CSMD1: variants seen among roughly 807,000 people sequenced by gnomAD.
CSMD1 encodes the protein CUB and Sushi multiple domains 1, also known as CUB and sushi domain-containing protein 1.
Under a neutral mutation model 417.5 loss-of-function variants are expected in CSMD1, and 213 were observed. That is an observed-to-expected ratio of 0.51 (90% CI 0.46 to 0.57). The LOEUF is 0.57. Among genes scored for constraint, CSMD1 ranks in the 20% least tolerant of loss-of-function variants. The pLI is 0.00. For synonymous variants in CSMD1, 2,862 were observed against 1,736.8 expected, an observed-to-expected ratio of 1.65 and a Z score of -16.11; for missense variants, 6,923 against 4,529.7, an observed-to-expected ratio of 1.53 and a Z score of -15.17.
intron 1 of CSMD1, among the ~76,000 whole-genome samples, chr8:4,830,450 A>C (rs115803736): frequency 4.9e-4 from 75 of 152,350 alleles, no homozygotes; most frequent in African/African-American, 1.7e-3. Context: ...CGTTTCAGAT[A>C]ATGACTTAGG....
chr8:3,611,992 T>G (rs1404316899), intron 8 of CSMD1, among the ~76,000 whole-genome samples: 1 of 152,162 alleles, frequency 6.6e-6, no homozygotes, highest in African/African-American at 2.4e-5. Context: ...CTCAGTTATT[T>G]GAAAAGATTT....
chr8:4,058,834 A>G (rs1231153973), intron 3 of CSMD1, among the ~76,000 whole-genome samples: 1 of 151,590 alleles, frequency 6.6e-6, no homozygotes, highest in Non-Finnish European at 1.5e-5. Context: ...CTCCCACACA[A>G]TAATAATGGG....
At chr8:4,667,902 G>T (rs1407085504) in intron 1 of CSMD1, among the ~76,000 whole-genome samples, 5 of 152,136 alleles carry the variant, frequency 3.3e-5, no homozygotes, top group African/African-American at 9.7e-5. Context: ...AATAGCAGTG[G>T]TTAGAGTGGC....
intron 5 of CSMD1, among the ~76,000 whole-genome samples, chr8:3,942,318 A>C (rs911138173): frequency 6.6e-6 from 1 of 152,134 alleles, no homozygotes; most frequent in East Asian, 1.9e-4. Flanking sequence ...TCCAGTGGAA[A>C]AATTGTCTTC....
intron 1 of CSMD1, among the ~76,000 whole-genome samples, chr8:4,919,186 C>A (rs577309113): frequency 7.6e-4 from 116 of 152,262 alleles, no homozygotes; most frequent in African/African-American, 2.7e-3. Context: ...TCCTGTAAAA[C>A]TGAAACGTAC....
At chr8:3,447,139 T>G (rs1004302933) in intron 12 of CSMD1, among the ~76,000 whole-genome samples, 4 of 152,170 alleles carry the variant, frequency 2.6e-5, no homozygotes, top group African/African-American at 7.2e-5. Context: ...ACAACAGACA[T>G]GATCAAAGAG....
intron 2 of CSMD1, among the ~76,000 whole-genome samples, chr8:4,524,293 T>C (rs1456591295): frequency 2.0e-5 from 3 of 150,628 alleles, no homozygotes; most frequent in South Asian, 4.2e-4. Context: ...GACAAATATG[T>C]GTTAACAACC....
intron 4 of CSMD1, among the ~76,000 whole-genome samples, chr8:4,020,394 C>T (rs777302994): frequency 1.3e-5 from 2 of 152,200 alleles, no homozygotes; most frequent in African/African-American, 2.4e-5. Context: ...TAAACTGACA[C>T]TGAGCATGAC....
chr8:4,387,901 A>G (rs1485682582), intron 3 of CSMD1, among the ~76,000 whole-genome samples: 1 of 152,140 alleles, frequency 6.6e-6, no homozygotes, highest in Non-Finnish European at 1.5e-5. Flanking sequence ...TGCCAAGATT[A>G]TATAAAGAAA....
chr8:4,069,149 T>A (rs1252241361), intron 3 of CSMD1, among the ~76,000 whole-genome samples: 2 of 152,226 alleles, frequency 1.3e-5, no homozygotes, highest in Non-Finnish European at 2.9e-5. Context: ...CATAGGAGAC[T>A]GGTTGCAAAT....
At chr8:3,534,970 C>T (rs180842337) in intron 10 of CSMD1, among the ~76,000 whole-genome samples, 48 of 152,248 alleles carry the variant, frequency 3.2e-4, no homozygotes, top group Admixed American at 2.2e-3. Context: ...TATTTATTGA[C>T]AGCATCTGGC....
chr8:3,529,357 C>A (rs907531418), intron 10 of CSMD1, among the ~76,000 whole-genome samples: 2 of 152,070 alleles, frequency 1.3e-5, no homozygotes, highest in East Asian at 3.9e-4. Context: ...TAAATCAATT[C>A]AAGAAAGAGT....
chr8:4,413,048 C>G (rs997953628), intron 3 of CSMD1, among the ~76,000 whole-genome samples: 1 of 152,160 alleles, frequency 6.6e-6, no homozygotes, highest in African/African-American at 2.4e-5. Context: ...GAAAAATAGA[C>G]TTACAAAATT....
intron 2 of CSMD1, among the ~76,000 whole-genome samples, chr8:4,465,569 C>A (rs934214030): frequency 6.6e-6 from 1 of 152,088 alleles, no homozygotes; most frequent in African/African-American, 2.4e-5. Flanking sequence ...TAAAGCAATG[C>A]CTGTTTTTCA....
intron 5 of CSMD1, among the ~76,000 whole-genome samples, chr8:3,885,140 G>T (rs1014537585): frequency 2.0e-5 from 3 of 151,894 alleles, no homozygotes; most frequent in African/African-American, 7.3e-5. Flanking sequence ...TCATTAACAA[G>T]ATCCCATCTC....
chr8:4,147,664 G>C (rs1384848188), intron 3 of CSMD1, among the ~76,000 whole-genome samples: 1 of 152,108 alleles, frequency 6.6e-6, no homozygotes, highest in Admixed American at 6.6e-5. Flanking sequence ...GCTGGCTCAT[G>C]GGAACCCCAT....
rs535230667 is a variant in CSMD1 at position 4,312,376 on chromosome 8, A to AAT, written c.415+107575_415+107576dup. Among the ~76,000 whole-genome samples, 603 of 63,114 alleles carry AAT rather than the reference A, an allele frequency of 9.6e-3. 85 individuals are homozygous for AAT. The highest frequency in any genetic ancestry group is 0.031 in the African/African-American group (485 of 15,736). The allele number at this position is 63,114 out of a possible 152,430, so 41.4% of individuals were successfully genotyped here. On this transcript the variant is annotated intron_variant, in intron 3 of 69. Transcript: ENST00000635120. ...TAAGCTAATTACTTTTAATGGAACA[A>AAT]ATATATATATATATATACATACATA...
chr8:4,304,581 G>C (rs4615596), intron 3 of CSMD1, among the ~76,000 whole-genome samples: 1 of 152,072 alleles, frequency 6.6e-6, no homozygotes, highest in African/African-American at 2.4e-5. Context: ...AAATTGCTTT[G>C]AAATGTCAAA....
At chr8:3,840,630 T>C (rs1012619420) in intron 5 of CSMD1, among the ~76,000 whole-genome samples, 4 of 151,936 alleles carry the variant, frequency 2.6e-5, no homozygotes, top group Admixed American at 6.6e-5. Context: ...TATCTGTGTG[T>C]GTGCACTTGC....
Sources: gnomAD v4.1 joint callset for allele counts (sites outside exome capture counted in the v4.1 genomes callset) on GRCh38, gnomAD v4.1.1 for gene constraint, MANE v1.5 for transcripts, NCBI Gene and HGNC (gene_info 2026-07-23, HGNC 2026-07-21) for gene names.